Variants in SYT14 observed in about 807,000 individuals in gnomAD.
SYT14 encodes synaptotagmin-14.
SYT14 carries 32 observed loss-of-function variants against 74.2 expected under a neutral mutation model. That is an observed-to-expected ratio of 0.43 (90% confidence interval 0.33 to 0.58). SYT14 has a LOEUF of 0.58. Ranked by LOEUF, SYT14 falls within the 20% of genes least tolerant of loss-of-function variation. SYT14 has a pLI of 0.05. For missense variants in SYT14, 791 were observed against 981.8 expected (o/e 0.81, Z 2.60); for synonymous variants, 298 against 337.7 (o/e 0.88, Z 1.29).
At chr1:210,143,959 T>G (rs560042691) in intron 7 of SYT14, among the ~76,000 whole-genome samples, 4 of 152,290 alleles carry the variant, frequency 2.6e-5, no homozygotes, top group African/African-American at 9.6e-5. Context: ...TGTTACTATA[T>G]TATTTTTATA....
chr1:210,082,357 G>A (rs1163590445), intron 5 of SYT14, among the ~76,000 whole-genome samples: 5 of 152,120 alleles, frequency 3.3e-5, no homozygotes, highest in Admixed American at 6.5e-5. Context: ...GTTGAGAACC[G>A]AAGAGACTAC....
chr1:209,962,847 A>G (rs1655879637), intron 2 of SYT14, among the ~76,000 whole-genome samples: 1 of 152,058 alleles, frequency 6.6e-6, no homozygotes, highest in Admixed American at 6.5e-5. Context: ...TACCTCACTA[A>G]GTTCTCCTTT....
intron 8 of SYT14, among the ~76,000 whole-genome samples, chr1:210,158,314 A>G (rs2083308160): frequency 2.0e-5 from 3 of 152,146 alleles, no homozygotes; most frequent in Non-Finnish European, 4.4e-5. Flanking sequence ...GCCTGTGACA[A>G]ACATAAGAGT....
intron 5 of SYT14, among the ~76,000 whole-genome samples, chr1:210,057,651 C>G (rs530323870): frequency 2.6e-4 from 40 of 152,250 alleles, no homozygotes; most frequent in African/African-American, 9.1e-4. Flanking sequence ...CTCTCTTGCC[C>G]TTATTACCAT....
chr1:210,144,213 T>C (rs184374369), intron 7 of SYT14, among the ~76,000 whole-genome samples: 1 of 152,332 alleles, frequency 6.6e-6, no homozygotes, highest in African/African-American at 2.4e-5. Context: ...GAGTTACAAA[T>C]GATAACTTTG....
chr1:210,134,346 A>C (rs892523190), intron 7 of SYT14, among the ~76,000 whole-genome samples: 1 of 152,036 alleles, frequency 6.6e-6, no homozygotes, highest in South Asian at 2.1e-4. Context: ...GGCTCAAGCA[A>C]TCCACCCGCT....
At chr1:210,156,499 G>C (rs920184724) in intron 8 of SYT14, among the ~76,000 whole-genome samples, 8 of 152,024 alleles carry the variant, frequency 5.3e-5, no homozygotes, top group African/African-American at 1.7e-4. Context: ...GCTAAGAAGG[G>C]AAAGCTAGAT....
intron 5 of SYT14, among the ~76,000 whole-genome samples, chr1:210,089,239 A>G (rs939563752): frequency 5.9e-5 from 9 of 152,138 alleles, no homozygotes; most frequent in African/African-American, 1.9e-4. Context: ...ATAGTATTCC[A>G]TGGTGTATTT....
At chr1:210,155,286 G>C (rs2102711001) in intron 7 of SYT14, among the ~76,000 whole-genome samples, 1 of 151,966 alleles carries the variant, frequency 6.6e-6, no homozygotes, top group African/African-American at 2.4e-5. Context: ...CTATATCTCT[G>C]TGTTTTAGAT....
chr1:210,043,632 G>A (rs2080834605), intron 5 of SYT14, among the ~76,000 whole-genome samples: 1 of 152,140 alleles, frequency 6.6e-6, no homozygotes, highest in Non-Finnish European at 1.5e-5. Context: ...GACAGAAATT[G>A]AGAAATCCAG....
At chr1:210,052,399 A>C (rs1232033397) in intron 5 of SYT14, among the ~76,000 whole-genome samples, 1 of 151,882 alleles carries the variant, frequency 6.6e-6, no homozygotes, top group African/African-American at 2.4e-5. Flanking sequence ...GCAGTGGTTC[A>C]CGCCTGTAAT....
intron 7 of SYT14, among the ~76,000 whole-genome samples, chr1:210,147,551 A>G (rs2083066092): frequency 6.6e-6 from 1 of 152,242 alleles, no homozygotes. Context: ...AGCTACAACA[A>G]AGGCCAGAAG....
chr1:210,120,895 A>G (rs1315346573), intron 7 of SYT14, among the ~76,000 whole-genome samples: 1 of 152,188 alleles, frequency 6.6e-6, no homozygotes, highest in Non-Finnish European at 1.5e-5. Flanking sequence ...ATACCAGCTC[A>G]TTTGTGATTT....
intron 5 of SYT14, among the ~76,000 whole-genome samples, chr1:210,074,434 T>TA (rs2081452135): frequency 6.6e-6 from 1 of 152,206 alleles, no homozygotes; most frequent in East Asian, 1.9e-4. Flanking sequence ...AAGTACTGTA[T>TA]AGACCATAAA....
chr1:209,950,303 C>T (rs905045186), intron 1 of SYT14, among the ~76,000 whole-genome samples: 3 of 152,088 alleles, frequency 2.0e-5, no homozygotes, highest in African/African-American at 7.2e-5. Flanking sequence ...TATATTAATA[C>T]ATTATAGTTA....
intron 1 of SYT14, among the ~76,000 whole-genome samples, chr1:209,950,246 T>G (rs1410933350): frequency 6.6e-6 from 1 of 152,198 alleles, no homozygotes; most frequent in Non-Finnish European, 1.5e-5. Context: ...CCTTAATATG[T>G]ATGGAGAATA....
intron 5 of SYT14, among the ~76,000 whole-genome samples, chr1:210,023,959 C>A (rs1000465392): frequency 6.6e-6 from 1 of 152,052 alleles, no homozygotes; most frequent in Non-Finnish European, 1.5e-5. Context: ...AACATAGGTG[C>A]ATTTATACAC....
chr1:210,025,183 C>T (rs987911249), intron 5 of SYT14, among the ~76,000 whole-genome samples: 2 of 152,166 alleles, frequency 1.3e-5, no homozygotes, highest in East Asian at 1.9e-4. Flanking sequence ...AGGGGATTTG[C>T]GTCTCCACCT....
chr1:210,108,979 C>A (rs2082209458), intron 7 of SYT14, among the ~76,000 whole-genome samples: 1 of 151,964 alleles, frequency 6.6e-6, no homozygotes, highest in African/African-American at 2.4e-5. Context: ...GTAAAAGGTA[C>A]AATTACTGGA....
Sources: allele counts gnomAD v4.1 joint callset (sites outside exome capture counted in the v4.1 genomes callset), GRCh38; gene constraint gnomAD v4.1.1; transcripts MANE v1.5; gene names NCBI Gene and HGNC (gene_info 2026-07-23, HGNC 2026-07-21).